The following NCALD variants were observed in gnomAD, a reference collection of about 807,000 sequenced individuals.
NCALD encodes neurocalcin delta.
Under a neutral mutation model 18.6 loss-of-function variants are expected in NCALD, and 10 were observed. That is an observed-to-expected ratio of 0.54 (90% CI 0.33 to 0.91). NCALD has a LOEUF of 0.91. Ranked by LOEUF, NCALD falls within the 40% of genes least tolerant of loss-of-function variation. The probability of loss-of-function intolerance (pLI) is 0.03; values close to 1 mark genes in which losing one functional copy is unlikely to be tolerated. For missense variants in NCALD, 184 were observed against 247.6 expected (o/e 0.74, Z 1.72); for synonymous variants, 88 against 87.4 (o/e 1.01, Z -0.04).
intron 4 of NCALD, among the ~76,000 whole-genome samples, chr8:101,830,640 C>A (rs1210857261): frequency 6.6e-6 from 1 of 151,968 alleles, no homozygotes; most frequent in African/African-American, 2.4e-5. Flanking sequence ...TGACGAAGAG[C>A]ATATAGGAAT....
chr8:101,923,081 G>A (rs952971924), intron 2 of NCALD, among the ~76,000 whole-genome samples: 1 of 152,144 alleles, frequency 6.6e-6, no homozygotes, highest in Non-Finnish European at 1.5e-5. Flanking sequence ...TCCTATAAAA[G>A]AGGGCTTCAC....
chr8:101,968,852 C>A (rs192168172), intron 2 of NCALD, among the ~76,000 whole-genome samples: 39 of 152,296 alleles, frequency 2.6e-4, no homozygotes, highest in Middle Eastern at 3.4e-3. Context: ...GCATACCGAG[C>A]AAATTGGTGA....
chr8:101,736,770 A>C (rs755715369), intron 1 of NCALD, among the ~76,000 whole-genome samples: 1 of 152,230 alleles, frequency 6.6e-6, no homozygotes, highest in Non-Finnish European at 1.5e-5. Context: ...ACAGACTCAG[A>C]GAAGCCCCAC....
chr8:101,966,780 C>G (rs1326339978), intron 2 of NCALD, among the ~76,000 whole-genome samples: 1 of 151,946 alleles, frequency 6.6e-6, no homozygotes, highest in Non-Finnish European at 1.5e-5. Flanking sequence ...CAGAGAAGAT[C>G]ACAGAGATTC....
chr8:101,702,811 G>GTC (rs1395173220), intron 2 of NCALD, among the ~76,000 whole-genome samples: 2 of 152,214 alleles, frequency 1.3e-5, no homozygotes, highest in East Asian at 3.9e-4. Context: ...CTATAAAGGT[G>GTC]TCTCCCAATG....
intron 1 of NCALD, among the ~76,000 whole-genome samples, chr8:102,106,293 C>A (rs997187339): frequency 6.6e-6 from 1 of 151,898 alleles, no homozygotes; most frequent in African/African-American, 2.4e-5. Flanking sequence ...AGGCTGGTCT[C>A]AAACTCCTGA....
intron 1 of NCALD, among the ~76,000 whole-genome samples, chr8:102,059,400 C>G (rs1823763445): frequency 1.3e-5 from 2 of 152,130 alleles, no homozygotes; most frequent in Admixed American, 1.3e-4. Flanking sequence ...TAGCAAAGAC[C>G]ATGTGTTCTC....
chr8:102,113,266 AATCT>A (rs1825691678), intron 1 of NCALD, among the ~76,000 whole-genome samples: 4 of 152,242 alleles, frequency 2.6e-5, no homozygotes, highest in African/African-American at 7.2e-5. Flanking sequence ...CATGTATATA[AATCT>A]ATTTTTGCCA....
intron 3 of NCALD, chr8:101,915,447 A>C (rs2131623099): frequency 6.6e-6 from 1 of 152,338 alleles, no homozygotes; most frequent in East Asian, 1.9e-4. Flanking sequence ...AATATGACCC[A>C]ATTTAACATA....
chr8:101,938,576 G>C (rs1386719453), intron 2 of NCALD, among the ~76,000 whole-genome samples: 1 of 152,142 alleles, frequency 6.6e-6, no homozygotes, highest in Admixed American at 6.5e-5. Context: ...CAAAATTGTA[G>C]CATCAGGATG....
intron 1 of NCALD, among the ~76,000 whole-genome samples, chr8:102,122,019 G>A (rs902701859): frequency 6.6e-6 from 1 of 152,172 alleles, no homozygotes; most frequent in Non-Finnish European, 1.5e-5. Context: ...GCACATGCAG[G>A]TGCCTTGATA....
chr8:101,952,390 T>C (rs1819462751), intron 2 of NCALD, among the ~76,000 whole-genome samples: 1 of 152,246 alleles, frequency 6.6e-6, no homozygotes, highest in Admixed American at 6.5e-5. Flanking sequence ...CTCCTCTTCC[T>C]GTGGCCTCAT....
At chr8:101,878,472 G>T (rs1403449534) in intron 4 of NCALD, among the ~76,000 whole-genome samples, 1 of 152,068 alleles carries the variant, frequency 6.6e-6, no homozygotes, top group Non-Finnish European at 1.5e-5. Context: ...TTTTTACAGG[G>T]GTTCCCTTGT....
chr8:101,924,873 A>T (rs934652895), intron 2 of NCALD, among the ~76,000 whole-genome samples: 3 of 152,230 alleles, frequency 2.0e-5, no homozygotes, highest in African/African-American at 7.2e-5. Flanking sequence ...ATAAACATAG[A>T]CATTAAATAT....
At chr8:101,975,511 T>C (rs1422606600) in intron 2 of NCALD, among the ~76,000 whole-genome samples, 3 of 152,174 alleles carry the variant, frequency 2.0e-5, no homozygotes, top group African/African-American at 7.2e-5. Context: ...ACGGCCTTGC[T>C]CTATTGGAAA....
chr8:101,948,479 A>G (rs1819265237), intron 2 of NCALD, among the ~76,000 whole-genome samples: 1 of 152,230 alleles, frequency 6.6e-6, no homozygotes. Context: ...AAGGCAAGAC[A>G]CTTAGTAAGC....
intron 2 of NCALD, among the ~76,000 whole-genome samples, chr8:101,711,464 A>C (rs1191912873): frequency 6.6e-6 from 1 of 152,048 alleles, no homozygotes; most frequent in Non-Finnish European, 1.5e-5. Context: ...GGTAATAACA[A>C]ACTCTTCCGA....
chr8:101,841,199 T>G (rs930615495), intron 4 of NCALD, among the ~76,000 whole-genome samples: 1 of 152,232 alleles, frequency 6.6e-6, no homozygotes, highest in South Asian at 2.1e-4. Context: ...CAGACAGTTG[T>G]AGACTGAGGG....
At chr8:101,717,239 A>G (rs1816129489) in intron 2 of NCALD, among the ~76,000 whole-genome samples, 1 of 152,210 alleles carries the variant, frequency 6.6e-6, no homozygotes, top group Non-Finnish European at 1.5e-5. Flanking sequence ...ACTACAAACA[A>G]TATTCTGTGG....
Sources: allele counts gnomAD v4.1 joint callset (sites outside exome capture counted in the v4.1 genomes callset), GRCh38; gene constraint gnomAD v4.1.1; transcripts MANE v1.5; gene names NCBI Gene and HGNC (gene_info 2026-07-23, HGNC 2026-07-21).